The following CLSTN2 variants were observed in gnomAD, a reference collection of about 807,000 sequenced individuals.
CLSTN2 encodes the protein calsyntenin-2.
A neutral mutation model predicts 101.2 loss-of-function variants in CLSTN2; 48 were observed. The ratio of observed to expected loss-of-function variants is 0.47; its 90% CI spans 0.38 to 0.60. CLSTN2 has a LOEUF of 0.60. Ranked by LOEUF, CLSTN2 falls within the 20% of genes least tolerant of loss-of-function variation. CLSTN2 has a pLI of 0.00. For missense variants in CLSTN2, 1,160 were observed against 1,238.2 expected, an observed-to-expected ratio of 0.94 and a Z score of 0.95; for synonymous variants, 481 against 463.6, an observed-to-expected ratio of 1.04 and a Z score of -0.48.
chr3:140,408,929 C>A (rs1170329486), intron 4 of CLSTN2, among the ~76,000 whole-genome samples: 1 of 152,214 alleles, frequency 6.6e-6, no homozygotes, highest in Non-Finnish European at 1.5e-5. Flanking sequence ...GCTTACCCAG[C>A]CCTGGCTCCT....
At chr3:140,399,560 A>G (rs1313636089) in intron 2 of CLSTN2, among the ~76,000 whole-genome samples, 1 of 152,236 alleles carries the variant, frequency 6.6e-6, no homozygotes, top group Non-Finnish European at 1.5e-5. Flanking sequence ...TTAAATACAA[A>G]TATAAGAGCA....
intron 1 of CLSTN2, among the ~76,000 whole-genome samples, chr3:139,979,848 C>G (rs748883085): frequency 6.6e-6 from 1 of 152,030 alleles, no homozygotes; most frequent in Non-Finnish European, 1.5e-5. Flanking sequence ...TCCTCCCTCT[C>G]AAACCCACGA....
chr3:140,258,182 A>G (rs2107880774), intron 2 of CLSTN2, among the ~76,000 whole-genome samples: 1 of 152,232 alleles, frequency 6.6e-6, no homozygotes, highest in Middle Eastern at 3.4e-3. Context: ...TTATTGTGCT[A>G]ACCTCCCTTT....
At chr3:140,258,221 T>C (rs1576487824) in intron 2 of CLSTN2, among the ~76,000 whole-genome samples, 1 of 152,208 alleles carries the variant, frequency 6.6e-6, no homozygotes, top group East Asian at 1.9e-4. Flanking sequence ...GACCTTAGGA[T>C]TAAGCAAAGG....
intron 2 of CLSTN2, among the ~76,000 whole-genome samples, chr3:140,356,502 G>A (rs763366053): frequency 1.4e-4 from 21 of 152,122 alleles, no homozygotes; most frequent in Non-Finnish European, 2.8e-4. Context: ...GCTCATGCCT[G>A]TAATCCCAGC....
At chr3:139,960,715 C>T (rs905591693) in intron 1 of CLSTN2, among the ~76,000 whole-genome samples, 4 of 152,172 alleles carry the variant, frequency 2.6e-5, no homozygotes, top group African/African-American at 7.2e-5. Context: ...AGAATATTTG[C>T]CCAGTGGGCT....
intron 5 of CLSTN2, among the ~76,000 whole-genome samples, chr3:140,421,826 G>A (rs1036445325): frequency 1.2e-4 from 19 of 152,156 alleles, no homozygotes; most frequent in Non-Finnish European, 2.2e-4. Flanking sequence ...CTCTTAGAAT[G>A]CAAAGGAAAC....
intron 1 of CLSTN2, among the ~76,000 whole-genome samples, chr3:139,983,729 T>C (rs796432777): frequency 2.0e-5 from 3 of 152,310 alleles, no homozygotes; most frequent in African/African-American, 7.2e-5. Flanking sequence ...TACTATGTAG[T>C]TTTAGCATTT....
At chr3:140,565,662 A>G (rs1936011709) in intron 16 of CLSTN2, among the ~76,000 whole-genome samples, 1 of 152,242 alleles carries the variant, frequency 6.6e-6, no homozygotes, top group Non-Finnish European at 1.5e-5. Context: ...ATCAAATGTC[A>G]TCCTCTCACT....
At chr3:140,104,013 G>A (rs1440753260) in intron 1 of CLSTN2, among the ~76,000 whole-genome samples, 1 of 152,162 alleles carries the variant, frequency 6.6e-6, no homozygotes, top group Non-Finnish European at 1.5e-5. Context: ...TCTTCACCTT[G>A]TTCTTATCAG....
At chr3:140,016,527 A>G (rs559952519) in intron 1 of CLSTN2, among the ~76,000 whole-genome samples, 2 of 152,136 alleles carry the variant, frequency 1.3e-5, no homozygotes, top group East Asian at 1.9e-4. Flanking sequence ...CAGGCTGGGC[A>G]TGGTGGCTCA....
chr3:140,423,383 A>T (rs879712805), intron 5 of CLSTN2, among the ~76,000 whole-genome samples: 1 of 152,226 alleles, frequency 6.6e-6, no homozygotes, highest in Non-Finnish European at 1.5e-5. Context: ...AGAACCAGAC[A>T]TGAGGCAGGC....
chr3:140,368,186 T>C (rs1045577722), intron 2 of CLSTN2, among the ~76,000 whole-genome samples: 1 of 152,132 alleles, frequency 6.6e-6, no homozygotes, highest in Non-Finnish European at 1.5e-5. Flanking sequence ...CCAGATGAGG[T>C]GGCCCGGCTG....
intron 2 of CLSTN2, among the ~76,000 whole-genome samples, chr3:140,365,880 C>G (rs538202252): frequency 2.0e-4 from 30 of 152,272 alleles, no homozygotes; most frequent in African/African-American, 6.3e-4. Flanking sequence ...GAGGAACAAC[C>G]CCACACCCTG....
intron 2 of CLSTN2, among the ~76,000 whole-genome samples, chr3:140,354,266 A>G (rs1260746273): frequency 6.6e-6 from 1 of 152,094 alleles, no homozygotes; most frequent in Non-Finnish European, 1.5e-5. Flanking sequence ...TGGGCTACTC[A>G]AGGGCACTGT....
intron 10 of CLSTN2, among the ~76,000 whole-genome samples, chr3:140,552,888 C>T (rs1330142899): frequency 2.0e-5 from 3 of 152,176 alleles, no homozygotes; most frequent in East Asian, 3.8e-4. Flanking sequence ...AGAAGAGGAG[C>T]AGAAAAACCT....
chr3:140,192,854 TA>T (rs1165138786), intron 2 of CLSTN2, among the ~76,000 whole-genome samples: 3 of 151,826 alleles, frequency 2.0e-5, no homozygotes, highest in Non-Finnish European at 4.4e-5. Context: ...TTTGGCGGGG[TA>T]GGGGGAGGTT....
intron 2 of CLSTN2, among the ~76,000 whole-genome samples, chr3:140,248,654 G>A (rs893418391): frequency 6.6e-6 from 1 of 152,190 alleles, no homozygotes; most frequent in Non-Finnish European, 1.5e-5. Flanking sequence ...AGGCGTGGAG[G>A]CCTGGTAACA....
At chr3:140,244,728 C>T (rs2086500241) in intron 2 of CLSTN2, among the ~76,000 whole-genome samples, 1 of 152,108 alleles carries the variant, frequency 6.6e-6, no homozygotes, top group South Asian at 2.1e-4. Flanking sequence ...CAAACAGATT[C>T]CCTTTTTATT....
Sources: allele counts gnomAD v4.1 joint callset (sites outside exome capture counted in the v4.1 genomes callset), GRCh38; gene constraint gnomAD v4.1.1; transcripts MANE v1.5; gene names NCBI Gene and HGNC (gene_info 2026-07-23, HGNC 2026-07-21).